Variants in CYGB observed in about 807,000 individuals in gnomAD.
CYGB encodes the protein histoglobin.
A neutral mutation model predicts 20.7 loss-of-function variants in CYGB; 13 were observed. The ratio of observed to expected loss-of-function variants is 0.63; its 90% CI spans 0.41 to 1.00. The LOEUF is 1.00. CYGB is among the 50% of genes least tolerant of loss of function. CYGB has a pLI of 0.00. For synonymous variants in CYGB, 93 were observed against 107.4 expected, an observed-to-expected ratio of 0.87 and a Z score of 0.83; for missense variants, 218 against 257.2, an observed-to-expected ratio of 0.85 and a Z score of 1.04.
At chr17:76,540,359 A>G, upstream of CYGB, 1 of 1,271,268 alleles carries the variant, frequency 7.9e-7, no homozygotes, top group Non-Finnish European at 1.1e-6. The surrounding 1 kb of genome is among the most constrained non-coding windows in gnomAD (Gnocchi z 5.0). Context: ...TTGAGAGAGC[A>G]CAGTCTCAGA....
chr17:76,540,134 G>A (rs756997414), upstream of CYGB: 1 of 1,598,922 alleles, frequency 6.3e-7, no homozygotes. The surrounding 1 kb of genome is among the most constrained non-coding windows in gnomAD (Gnocchi z 5.0). Flanking sequence ...GGATGGGGCA[G>A]CTGCGCCATG....
At chr17:76,540,071 TG>T (rs1302638752), upstream of CYGB, 2 of 1,489,446 alleles carry the variant, frequency 1.3e-6, no homozygotes, top group Admixed American at 2.0e-5. The surrounding 1 kb of genome is among the most constrained non-coding windows in gnomAD (Gnocchi z 5.0). Context: ...GAGAGCTGGC[TG>T]GGGCCATTTT....
At position 76,531,867 on chromosome 17, in the gene CYGB, C is replaced by T. The variant is rs2074849011; in HGVS notation, c.144-176G>A. 3.5e-6 allele frequency: 2 copies of T among 575,322 alleles called. No homozygotes were observed. Among genetic ancestry groups the T allele is most frequent in the East Asian group, 5.8e-5 (2 of 34,592 alleles). 35.6% of individuals were successfully genotyped at this position (575,322 alleles called of 1,614,324 possible). On this transcript the variant is annotated intron_variant, in intron 1 of 3. Transcript: ENST00000293230. The surrounding 1 kb of genome is among the most constrained non-coding windows in gnomAD (Gnocchi z 7.4). ...ATAGACCCTCCTCCCTCTGGCCAAG[C>T]CGGCTCACCCCTACCAAGTCTGGCC...
At chr17:76,537,764 G>C (rs1450623633), upstream of CYGB, 1 of 171,382 alleles carries the variant, frequency 5.8e-6, no homozygotes, top group Non-Finnish European at 1.2e-5. Context: ...GACAGCCAGC[G>C]GTGGGGCGGG....
At chr17:76,544,241 C>T (rs1275409168) in intron 1 of CYGB, 2 of 454,468 alleles carry the variant, frequency 4.4e-6, no homozygotes, top group Admixed American at 2.3e-5. Flanking sequence ...GCCAGCCCCC[C>T]TCCCAGCCCA....
chr17:76,535,555 C>G (rs970656287), intron 1 of CYGB, among the ~76,000 whole-genome samples: 3 of 152,088 alleles, frequency 2.0e-5, no homozygotes, highest in Admixed American at 6.5e-5. Context: ...GGGCTGGGCT[C>G]TAGTCCACAA....
Position 76,528,781 on chromosome 17 carries a change from G to GA in CYGB, c.540-171dup. 2 of 1,010,830 alleles carry GA rather than the reference G, an allele frequency of 2.0e-6. No individual in the cohort carries two copies. The highest frequency in any genetic ancestry group is 1.0e-4 in the South Asian group (2 of 19,058). 62.6% of individuals were successfully genotyped at this position (1,010,830 alleles called of 1,614,324 possible). On this transcript the variant is annotated intron_variant, in intron 3 of 3. Transcript: ENST00000293230. This position sits in a 1 kb window ranked among gnomAD's most constrained non-coding sequence, Gnocchi z 5.8. The stretch of plus-strand genomic sequence containing the variant: ...CAAGTTCTAGTCTCCGTCCTGCTAC[G>GA]AACGTGCTGTGTGATCTCAGGCAAG...
rs2074843947 is a variant in CYGB at position 76,531,541 on chromosome 17, G to C, written c.294C>G (p.Asp98Glu). The C allele has an allele frequency of 1.2e-6, 2 of 1,614,052 alleles. No homozygotes were observed. The highest frequency in any genetic ancestry group is 1.3e-5 in the African/African-American group (1 of 74,934). The change falls in exon 2 of 4, where the codon GAC becomes GAG. Residue 98 changes from aspartate to glutamate, a missense_variant. Transcript: ENST00000293230. This position sits in a 1 kb window ranked among gnomAD's most constrained non-coding sequence, Gnocchi z 7.4. ...CGAGCACAGAGGACACCTTGTCGGGGTCATGCAGGTTCTCCACGACAGTGT... is the reference window on the plus strand; with the variant it reads ...CGAGCACAGAGGACACCTTGTCGGGCTCATGCAGGTTCTCCACGACAGTGT... ...ALNTVVENLH[D>E]PDKVSSVLAL...
intron 1 of CYGB, chr17:76,545,106 G>C (rs1361220779): frequency 4.4e-6 from 2 of 455,878 alleles, no homozygotes; most frequent in Admixed American, 2.3e-5. Flanking sequence ...GGTGGGAGCA[G>C]ATTGTGTTTA....
At chr17:76,544,032 G>A (rs776476129) in intron 1 of CYGB, 2 of 455,018 alleles carry the variant, frequency 4.4e-6, no homozygotes, top group African/African-American at 2.0e-5. Context: ...CAGTCCCGGC[G>A]GCTGCCTCCT....
chr17:76,544,164 G>C (rs1199283617), intron 1 of CYGB: 1 of 454,514 alleles, frequency 2.2e-6, no homozygotes, highest in Non-Finnish European at 4.4e-6. Context: ...AGCTGCTCCT[G>C]ATGTCTCACA....
At chr17:76,529,253 AGG>A in intron 3 of CYGB, 1 of 985,370 alleles carries the variant, frequency 1.0e-6, no homozygotes, top group Non-Finnish European at 1.2e-6. Flanking sequence ...CAGGGACACT[AGG>A]GGTGGGCTAG....
chr17:76,531,162 G>A lies in CYGB; in HGVS notation c.376-20C>T. 1.2e-6 allele frequency: 2 copies of A among 1,607,336 alleles called. No homozygotes were observed. The highest frequency in any genetic ancestry group is 1.7e-6 in the Non-Finnish European group (2 of 1,175,520). On this transcript the variant is annotated intron_variant, in intron 2 of 3. Transcript: ENST00000293230. The surrounding 1 kb of genome is among the most constrained non-coding windows in gnomAD (Gnocchi z 7.4). ...GAGGATCTGGGGGCAAAGGGAGGAA[G>A]GGGGAGTGAACGCCCGGGCGCCCTG...
rs1567907451 is a variant in CYGB, at chr17:76,533,263, G to T, written c.144-1572C>A. Among the ~76,000 whole-genome samples the T allele has an allele frequency of 6.6e-6, 1 of 152,212 alleles. No individual in the cohort carries two copies. ...CTGTTTGCAGAAGGGCAAGAGGAGG[G>T]CCCCCGCTCACTGCTTCATGGATAC... is the stretch of plus-strand genomic sequence containing the variant. On this transcript the variant is annotated intron_variant, in intron 1 of 3. Coordinates refer to ENST00000293230, the MANE Select transcript of CYGB (RefSeq NM_134268.5). This position sits in a 1 kb window ranked among gnomAD's most constrained non-coding sequence, Gnocchi z 4.5.
chr17:76,548,941 G>A (rs1051996529), intron 1 of CYGB, among the ~76,000 whole-genome samples: 5 of 152,162 alleles, frequency 3.3e-5, no homozygotes, highest in African/African-American at 4.8e-5. Flanking sequence ...AAACCCAAGC[G>A]GACCACAGTG....
At chr17:76,545,492 G>T in intron 1 of CYGB, 1 of 407,174 alleles carries the variant, frequency 2.5e-6, no homozygotes. Context: ...GCTAGAGAGG[G>T]AGAGCTGAGC....
chr17:76,542,611 C>T, upstream of CYGB: 1 of 1,613,198 alleles, frequency 6.2e-7, no homozygotes, highest in Non-Finnish European at 8.5e-7. Flanking sequence ...GGCCCAGAGA[C>T]TGGGATCAGC....
intron 1 of CYGB, among the ~76,000 whole-genome samples, chr17:76,543,622 A>G (rs1474848376): frequency 6.6e-6 from 1 of 152,168 alleles, no homozygotes; most frequent in Non-Finnish European, 1.5e-5. Context: ...GCTCCTACCC[A>G]CCATGGCAGG....
chr17:76,545,405 C>G (rs569605972), intron 1 of CYGB: 1 of 456,276 alleles, frequency 2.2e-6, no homozygotes, highest in South Asian at 1.5e-5. Flanking sequence ...TTTTTCATCC[C>G]TTTCCTTGCA....
Sources: gnomAD v4.1 joint callset for allele counts (sites outside exome capture counted in the v4.1 genomes callset) on GRCh38, gnomAD v4.1.1 for gene constraint, Gnocchi (gnomAD v3.1) non-coding constraint, MANE v1.5 for transcripts, NCBI Gene and HGNC (gene_info 2026-07-23, HGNC 2026-07-21) for gene names.